Variants in CCNY observed in about 807,000 individuals in gnomAD.
CCNY encodes the protein cyclin Y, also known as cyclin-Y.
Under a neutral mutation model 42.8 loss-of-function variants are expected in CCNY, and 19 were observed. That is an observed-to-expected ratio of 0.44 (90% CI 0.31 to 0.65). The LOEUF is 0.65. Among genes scored for constraint, CCNY ranks in the 30% least tolerant of loss-of-function variants. The pLI is 0.07. For missense variants in CCNY, 370 were observed against 437.3 expected (o/e 0.85, Z 1.37); for synonymous variants, 165 against 162.7 (o/e 1.01, Z -0.11).
At chr10:35,495,638 G>A (rs888667019) in intron 2 of CCNY, among the ~76,000 whole-genome samples, 1 of 152,212 alleles carries the variant, frequency 6.6e-6, no homozygotes, top group African/African-American at 2.4e-5. Context: ...GCAGGTCCTG[G>A]ACAGTTCAGA....
At chr10:35,281,914 A>G (rs1835302445) in intron 3 of CCNY, among the ~76,000 whole-genome samples, 1 of 152,192 alleles carries the variant, frequency 6.6e-6, no homozygotes, top group Non-Finnish European at 1.5e-5. Flanking sequence ...AGCTGGTAGA[A>G]TAAACAAGAT....
At chr10:35,332,833 T>G (rs1835962306), upstream of CCNY, among the ~76,000 whole-genome samples, 1 of 152,194 alleles carries the variant, frequency 6.6e-6, no homozygotes, top group Non-Finnish European at 1.5e-5. Flanking sequence ...CTTGATCTCC[T>G]GACCTCGTGA....
At chr10:35,298,455 T>C (rs904008159) in intron 3 of CCNY, among the ~76,000 whole-genome samples, 7 of 152,220 alleles carry the variant, frequency 4.6e-5, no homozygotes, top group African/African-American at 1.7e-4. Context: ...TTTCAGGGAT[T>C]TATCAATGTT....
At position 35,569,201 on chromosome 10, in the gene CCNY, C is replaced by A. The variant is rs1400284571; in HGVS notation, c.*31C>A. ...GAGGCCCGCCGGAGGCCACACCATCCCTTAGTTTCTCCTTTAGTTTGAGAA... is the reference window on the plus strand; with the variant it reads ...GAGGCCCGCCGGAGGCCACACCATCACTTAGTTTCTCCTTTAGTTTGAGAA... On this transcript the variant is annotated 3_prime_UTR_variant, in exon 10 of 10. Transcript: ENST00000374704. 2 of 1,246,060 alleles carry A rather than the reference C, an allele frequency of 1.6e-6. No homozygotes were observed. Among genetic ancestry groups the A allele is most frequent in the Middle Eastern group, 1.9e-4 (1 of 5,394 alleles). The allele number at this position is 1,246,060 out of a possible 1,614,324, so 77.2% of individuals were successfully genotyped here.
chr10:35,563,210 T>A (rs994916313), intron 8 of CCNY, among the ~76,000 whole-genome samples: 20 of 152,094 alleles, frequency 1.3e-4, no homozygotes, highest in Admixed American at 4.6e-4. Flanking sequence ...TAGAAAAAAA[T>A]TCATTTTTTG....
chr10:35,520,427 C>G (rs561465906), intron 4 of CCNY, among the ~76,000 whole-genome samples: 1 of 152,228 alleles, frequency 6.6e-6, no homozygotes, highest in Non-Finnish European at 1.5e-5. Flanking sequence ...GCACCCTACT[C>G]CAGACATTAA....
intron 1 of CCNY, among the ~76,000 whole-genome samples, chr10:35,476,578 T>G (rs1289330655): frequency 4.6e-5 from 7 of 151,632 alleles, no homozygotes; most frequent in Non-Finnish European, 8.8e-5. Flanking sequence ...AGATGTTCTT[T>G]GAAACCAACG....
chr10:35,304,948 T>G (rs1835589080), intron 3 of CCNY, among the ~76,000 whole-genome samples: 1 of 152,160 alleles, frequency 6.6e-6, no homozygotes, highest in Non-Finnish European at 1.5e-5. Flanking sequence ...GGTCTAAGAG[T>G]AGTGATTCTC....
upstream of CCNY, chr10:35,332,390 A>G (rs1835955763): frequency 6.6e-6 from 1 of 152,206 alleles, no homozygotes; most frequent in African/African-American, 2.4e-5. Flanking sequence ...CATGGATACG[A>G]GTATGGCTGA....
At chr10:35,293,157 G>A (rs1177335633) in intron 3 of CCNY, among the ~76,000 whole-genome samples, 1 of 152,080 alleles carries the variant, frequency 6.6e-6, no homozygotes, top group Non-Finnish European at 1.5e-5. Flanking sequence ...TTTTGTATAT[G>A]GAGTGAAGTA....
At chr10:35,368,476 T>C (rs1316969934) in intron 1 of CCNY, among the ~76,000 whole-genome samples, 1 of 152,234 alleles carries the variant, frequency 6.6e-6, no homozygotes, top group Non-Finnish European at 1.5e-5. Flanking sequence ...GCTCATGTTA[T>C]TATTCTCATG....
intron 3 of CCNY, among the ~76,000 whole-genome samples, chr10:35,321,994 T>C (rs1835827283): frequency 1.3e-5 from 2 of 152,042 alleles, no homozygotes; most frequent in African/African-American, 4.8e-5. Context: ...TGGGAAAAAA[T>C]GAACATTGAT....
At chr10:35,434,306 C>T (rs965597688) in intron 1 of CCNY, 1 of 152,148 alleles carries the variant, frequency 6.6e-6, no homozygotes, top group Admixed American at 6.5e-5. Context: ...GTGATGGGTT[C>T]AGGGAAAAGT....
At chr10:35,521,417 G>A (rs1040185038) in intron 4 of CCNY, among the ~76,000 whole-genome samples, 3 of 152,160 alleles carry the variant, frequency 2.0e-5, no homozygotes, top group African/African-American at 7.2e-5. Flanking sequence ...TGATAAGGGT[G>A]GTAAGAGCCG....
At chr10:35,260,612 T>A (rs2095718864) in intron 3 of CCNY, among the ~76,000 whole-genome samples, 1 of 152,222 alleles carries the variant, frequency 6.6e-6, no homozygotes. Context: ...CTGTGCCCCA[T>A]CTGAGGTCAA....
chr10:35,493,087 G>A (rs1839935060), intron 2 of CCNY, among the ~76,000 whole-genome samples: 1 of 152,166 alleles, frequency 6.6e-6, no homozygotes, highest in African/African-American at 2.4e-5. Flanking sequence ...TTTCTTGGGT[G>A]CATCACCTGA....
chr10:35,399,778 C>T (rs546463825), intron 1 of CCNY, among the ~76,000 whole-genome samples: 1 of 152,312 alleles, frequency 6.6e-6, no homozygotes, highest in East Asian at 1.9e-4. Flanking sequence ...TCCCCCTTAG[C>T]AGATCCCAGT....
chr10:35,275,481 C>T lies in CCNY; in HGVS notation c.-9+24855C>T, dbSNP rs561466146. Among the ~76,000 whole-genome samples, 246 of 150,510 alleles carry T rather than the reference C, an allele frequency of 1.6e-3. 1 individual carries two copies. Among genetic ancestry groups the T allele is most frequent in the African/African-American group, 5.8e-3 (239 of 41,134 alleles). On this transcript the variant is annotated intron_variant, in intron 3 of 11. Coordinates refer to the CCNY transcript ENST00000374706. ...TTGCCAGCTAAAGAGTGTGTCCAGT[C>T]GGCTGGGCGCGGTGGCTCACACCTG...
intron 7 of CCNY, among the ~76,000 whole-genome samples, chr10:35,535,276 GC>G (rs1051638249): frequency 6.6e-6 from 1 of 152,008 alleles, no homozygotes; most frequent in African/African-American, 2.4e-5. Flanking sequence ...GGCCTGCACA[GC>G]TGCATTCTCT....
Sources: allele counts gnomAD v4.1 joint callset (sites outside exome capture counted in the v4.1 genomes callset), GRCh38; gene constraint gnomAD v4.1.1; transcripts MANE v1.5; gene names NCBI Gene and HGNC (gene_info 2026-07-23, HGNC 2026-07-21).